Variants in PI4K2B observed in about 807,000 individuals in gnomAD.
PI4K2B encodes phosphatidylinositol 4-kinase type 2 beta.
In PI4K2B, 46 loss-of-function variants were observed where a neutral mutation model predicts 56.6. That is an observed-to-expected ratio of 0.81 (90% CI 0.64 to 1.04). The LOEUF (loss-of-function observed/expected upper bound fraction) is 1.04. PI4K2B is among the 50% of genes least tolerant of loss of function. The probability of loss-of-function intolerance (pLI) is 0.00; values close to 1 mark genes in which losing one functional copy is unlikely to be tolerated. For synonymous variants in PI4K2B, 211 were observed against 223.8 expected (o/e 0.94, Z 0.51); for missense variants, 556 against 607.7 (o/e 0.91, Z 0.89).
rs148304142 is a variant in PI4K2B, at chr4:25,255,268, A to G, written c.624+3A>G. On this transcript the variant is annotated splice_donor_region_variant and intron_variant, in intron 3 of 9. Coordinates refer to ENST00000264864, the MANE Select transcript of PI4K2B (RefSeq NM_018323.4). ...TGAGCATTGTACCTAAAACAAAGGTAAGCCAGACTTTATTTTTAACCATGG... is the reference window on the plus strand; with the variant it reads ...TGAGCATTGTACCTAAAACAAAGGTGAGCCAGACTTTATTTTTAACCATGG... 2.7e-4 allele frequency: 431 copies of G among 1,610,634 alleles called. 4 individuals carry two copies. In the African/African-American group the frequency reaches 5.3e-3, roughly 20 times the overall value.
chr4:25,264,016 G>C (rs901441698), intron 7 of PI4K2B, among the ~76,000 whole-genome samples, 167 bp downstream of exon 7: 1 of 152,148 alleles, frequency 6.6e-6, no homozygotes, highest in Non-Finnish European at 1.5e-5. Context: ...ACAGGGTCTT[G>C]CTATGAATTT....
In PI4K2B at chr4:25,234,249, T is replaced by C; in HGVS notation, c.86T>C (p.Leu29Pro). Reference protein sequence around the residue: ...EEEEDGEREPLLPRIAWAHPR... With the variant: ...EEEEDGEREPPLPRIAWAHPR... Reference sequence around the variant, plus strand: ...GAGGAGGATGGGGAGCGGGAGCCGCTGCTACCGCGGATCGCCTGGGCCCAC... The same window carrying C: ...GAGGAGGATGGGGAGCGGGAGCCGCCGCTACCGCGGATCGCCTGGGCCCAC... Residue 29 changes from leucine to proline, a missense_variant, in exon 1 of 10, where the codon CTG becomes CCG. Transcript: ENST00000264864. The C allele has an allele frequency of 1.4e-6, 2 of 1,428,400 alleles. No individual in the cohort carries two copies. The highest frequency in any genetic ancestry group is 5.2e-5 in the Admixed American group (2 of 38,808). 88.5% of individuals were successfully genotyped at this position (1,428,400 alleles called of 1,614,324 possible).
At chr4:25,250,332 A>C (rs28435275) in intron 1 of PI4K2B, among the ~76,000 whole-genome samples, 2,599 of 152,266 alleles carry the variant, frequency 0.017, 73 homozygotes, top group African/African-American at 0.059. Context: ...GCCTCAGTGA[A>C]CTAACACAGG....
At chr4:25,258,599 T>A (rs1716345101) in intron 4 of PI4K2B, 1 of 229,464 alleles carries the variant, frequency 4.4e-6, no homozygotes, top group Admixed American at 6.5e-5. Context: ...AAATTATTTA[T>A]TGTATTTTAT....
chr4:25,240,302 C>T (rs1273955704), intron 1 of PI4K2B, among the ~76,000 whole-genome samples: 1 of 152,190 alleles, frequency 6.6e-6, no homozygotes, highest in Non-Finnish European at 1.5e-5. Context: ...AGGTCTAGGC[C>T]TTGGCGGTTT....
intron 6 of PI4K2B, among the ~76,000 whole-genome samples, chr4:25,261,657 CA>C (rs1716482371): frequency 6.6e-6 from 1 of 152,040 alleles, no homozygotes; most frequent in Non-Finnish European, 1.5e-5. Context: ...TAAAAAGGAA[CA>C]AACGATACAA....
At chr4:25,272,690 G>A (rs1716945028) in intron 9 of PI4K2B, among the ~76,000 whole-genome samples, 1 of 151,776 alleles carries the variant, frequency 6.6e-6, no homozygotes, top group Admixed American at 6.6e-5. Flanking sequence ...AAGAAGAAGG[G>A]AAAAAAAGAT....
intron 9 of PI4K2B, among the ~76,000 whole-genome samples, chr4:25,276,159 G>A (rs1259003620): frequency 1.3e-5 from 2 of 152,002 alleles, no homozygotes. Context: ...TACAAGAAAG[G>A]ACATTTTTCC....
intron 1 of PI4K2B, among the ~76,000 whole-genome samples, chr4:25,242,490 C>T (rs920385805): frequency 3.8e-4 from 58 of 152,282 alleles, no homozygotes; most frequent in African/African-American, 1.4e-3. Flanking sequence ...GGTCCAGAAC[C>T]GTGAACCATT....
In PI4K2B at chr4:25,275,369, A is replaced by C. The variant is rs896481127; in HGVS notation, c.1273-1645A>C. ...TTATCCAAATGTAGTCAATTTAGGA[A>C]ATTTTAAGGGAAGGCTGGGTGTGGT... On this transcript the variant is annotated intron_variant, in intron 9 of 9. Transcript: ENST00000264864. 6.6e-5 allele frequency among the ~76,000 whole-genome samples: 10 copies of C among 152,110 alleles called. No homozygotes were observed. The East Asian group carries it at 1.9e-3, about 29-fold the overall frequency.
chr4:25,239,510 C>T (rs1360473525), intron 1 of PI4K2B, among the ~76,000 whole-genome samples: 11 of 60,092 alleles, frequency 1.8e-4, no homozygotes, highest in Non-Finnish European at 6.4e-4. Flanking sequence ...CCGGTGGGGC[C>T]GGCCAGCCGC....
intron 1 of PI4K2B, among the ~76,000 whole-genome samples, chr4:25,251,234 G>C (rs1716035892): frequency 6.6e-6 from 1 of 152,124 alleles, no homozygotes. Flanking sequence ...GCTGGGGGCT[G>C]GTCGTAGTAT....
At chr4:25,238,311 C>CT (rs760092030) in intron 1 of PI4K2B, among the ~76,000 whole-genome samples, 8 of 152,182 alleles carry the variant, frequency 5.3e-5, no homozygotes, top group Admixed American at 3.9e-4. Context: ...CTGTCACAGT[C>CT]TCTTGGTGAA....
intron 1 of PI4K2B, among the ~76,000 whole-genome samples, chr4:25,237,271 C>T (rs548634295): frequency 1.3e-5 from 2 of 152,198 alleles, no homozygotes; most frequent in East Asian, 3.9e-4. Flanking sequence ...AGTTAATATG[C>T]GCTAGGCATA....
rs1302199620 is a variant in PI4K2B, at chr4:25,277,363, C to A, written c.*176C>A. ...AGTTTTTTGTCCAAATATTAAATTT[C>A]TATTTCAGGGAAGAAGTGCTATATC... is the stretch of plus-strand genomic sequence containing the variant. On this transcript the variant is annotated 3_prime_UTR_variant, in exon 10 of 10. Transcript: ENST00000264864. 3.0e-6 allele frequency: 2 copies of A among 675,914 alleles called. No homozygotes were observed. Among genetic ancestry groups the A allele is most frequent in the Non-Finnish European group, 4.4e-6 (2 of 451,114 alleles). The allele number at this position is 675,914 out of a possible 1,614,324, so 41.9% of individuals were successfully genotyped here.
chr4:25,276,866 ATATT>A (rs1405138162), intron 9 of PI4K2B, 144 bp from the exon 10 acceptor site: 2 of 1,337,344 alleles, frequency 1.5e-6, no homozygotes, highest in African/African-American at 2.9e-5. Context: ...CATATAATAC[ATATT>A]TATAACAGGT....
At chr4:25,251,244 T>A (rs947285201) in intron 1 of PI4K2B, among the ~76,000 whole-genome samples, 1 of 152,006 alleles carries the variant, frequency 6.6e-6, no homozygotes, top group Non-Finnish European at 1.5e-5. Context: ...GGTCGTAGTA[T>A]TTTGTGATTG....
chr4:25,268,344 T>C (rs1716741673), intron 7 of PI4K2B, 99 bp from the exon 8 acceptor site: 7 of 954,750 alleles, frequency 7.3e-6, no homozygotes, highest in Non-Finnish European at 1.1e-5. Flanking sequence ...CTGTCCTTTT[T>C]TGGGGAGAAC....
intron 1 of PI4K2B, among the ~76,000 whole-genome samples, chr4:25,235,829 T>A (rs1293408795): frequency 6.6e-6 from 1 of 152,264 alleles, no homozygotes; most frequent in Middle Eastern, 3.4e-3. Context: ...AGGTGTTTTA[T>A]AAACAAACAG....
Sources: allele counts gnomAD v4.1 joint callset (sites outside exome capture counted in the v4.1 genomes callset), GRCh38; gene constraint gnomAD v4.1.1; transcripts MANE v1.5; gene names NCBI Gene and HGNC (gene_info 2026-07-23, HGNC 2026-07-21).